The following MTHFD1L variants were observed in gnomAD, a reference collection of about 807,000 sequenced individuals.
MTHFD1L encodes methylenetetrahydrofolate dehydrogenase (NADP+ dependent) 1 like.
In MTHFD1L, 81 loss-of-function variants were observed where a neutral mutation model predicts 119.5. The ratio of observed to expected loss-of-function variants is 0.68; its 90% CI spans 0.57 to 0.82. The LOEUF (loss-of-function observed/expected upper bound fraction) is 0.82, where lower values mean the gene tolerates loss of function less well. Ranked by LOEUF, MTHFD1L falls within the 40% of genes least tolerant of loss-of-function variation. MTHFD1L has a pLI of 0.00. For synonymous variants in MTHFD1L, 430 were observed against 475.2 expected (o/e 0.90, Z 1.24); for missense variants, 1,125 against 1,253.4 (o/e 0.90, Z 1.55).
At chr6:150,947,215 C>G (rs1794121396) in intron 15 of MTHFD1L, among the ~76,000 whole-genome samples, 1 of 151,288 alleles carries the variant, frequency 6.6e-6, no homozygotes, top group South Asian at 2.1e-4. Context: ...CTGCCTCGGC[C>G]TTCTGAGTAG....
intron 24 of MTHFD1L, chr6:151,016,777 T>TC (rs1410434218): frequency 3.6e-6 from 1 of 278,638 alleles, no homozygotes; most frequent in African/African-American, 2.6e-5. Context: ...CCTTTTTTTT[T>TC]TTTTTTTTTT....
At chr6:150,909,283 A>T (rs916016531) in intron 8 of MTHFD1L, among the ~76,000 whole-genome samples, 1 of 151,120 alleles carries the variant, frequency 6.6e-6, no homozygotes, top group Admixed American at 6.6e-5. Context: ...AAAAAAAAAG[A>T]CAACCAAAAA....
chr6:150,969,278 G>T (rs896419008), intron 19 of MTHFD1L, among the ~76,000 whole-genome samples: 1 of 152,132 alleles, frequency 6.6e-6, no homozygotes, highest in Non-Finnish European at 1.5e-5. Flanking sequence ...CACCGTGCCC[G>T]GCCTGAGCAC....
intron 11 of MTHFD1L, among the ~76,000 whole-genome samples, chr6:150,934,197 G>A (rs896413809): frequency 6.6e-6 from 1 of 152,178 alleles, no homozygotes; most frequent in Admixed American, 6.5e-5. Flanking sequence ...CTGTGCCTCA[G>A]TTTCCTCATC....
At chr6:151,013,892 G>A (rs1782642638) in intron 22 of MTHFD1L, 72 bp downstream of exon 22, 1 of 1,348,612 alleles carries the variant, frequency 7.4e-7, no homozygotes, top group Non-Finnish European at 1.1e-6. Flanking sequence ...TTCAGTGAAT[G>A]AGCCCTCCTT....
intron 27 of MTHFD1L, among the ~76,000 whole-genome samples, chr6:151,098,033 G>C (rs1253294345): frequency 1.3e-5 from 2 of 152,152 alleles, no homozygotes; most frequent in South Asian, 2.1e-4. Context: ...AATTAGCCAG[G>C]CGTCATGGCA....
intron 20 of MTHFD1L, among the ~76,000 whole-genome samples, chr6:150,996,056 A>G (rs538017): frequency 0.37 from 55,998 of 152,068 alleles, 12,140 homozygotes; most frequent in African/African-American, 0.58. Context: ...TTTCAAGGCT[A>G]TTATCTGTAG....
At chr6:151,028,269 C>T (rs1315865914) in intron 24 of MTHFD1L, among the ~76,000 whole-genome samples, 1 of 152,096 alleles carries the variant, frequency 6.6e-6, no homozygotes, top group Non-Finnish European at 1.5e-5. Context: ...AAAACACTTT[C>T]CAATAAACAT....
intron 4 of MTHFD1L, among the ~76,000 whole-genome samples, chr6:150,881,414 T>C (rs573706535): frequency 2.0e-5 from 3 of 152,348 alleles, no homozygotes; most frequent in Non-Finnish European, 4.4e-5. Flanking sequence ...ATTTATTCCG[T>C]ATTTTTCTTT....
chr6:151,006,491 G>A (rs1562526946), intron 20 of MTHFD1L, among the ~76,000 whole-genome samples: 1 of 152,122 alleles, frequency 6.6e-6, no homozygotes, highest in Non-Finnish European at 1.5e-5. Flanking sequence ...TTATATTAAG[G>A]CACTTTAGGG....
rs966853026 is a variant in MTHFD1L at position 150,945,598 on chromosome 6, A to G, written c.1623+57A>G. The G allele has an allele frequency of 4.6e-6, 7 of 1,513,014 alleles. No individual in the cohort carries two copies. In the African/African-American group the frequency reaches 9.7e-5, roughly 21 times the overall value. The allele number at this position is 1,513,014 out of a possible 1,614,324, so 93.7% of individuals were successfully genotyped here. The stretch of plus-strand genomic sequence containing the variant: ...AAAATATCGTAGAAACGCATCAGAA[A>G]GATTGTCAAAGCCTGAAATTTTCAA... On this transcript the variant is annotated intron_variant, in intron 15 of 27. Transcript: ENST00000367321.
chr6:150,911,453 A>G (rs1179729998), intron 8 of MTHFD1L, among the ~76,000 whole-genome samples: 2 of 152,218 alleles, frequency 1.3e-5, no homozygotes, highest in African/African-American at 4.8e-5. Context: ...CACTGCTATA[A>G]AGAAATACCT....
intron 20 of MTHFD1L, among the ~76,000 whole-genome samples, chr6:150,976,984 T>G (rs1003944272): frequency 2.0e-5 from 3 of 152,224 alleles, no homozygotes; most frequent in Non-Finnish European, 4.4e-5. Flanking sequence ...TTGAAATAAT[T>G]GACTTCAGTA....
intron 18 of MTHFD1L, among the ~76,000 whole-genome samples, chr6:150,963,720 C>T (rs570720683): frequency 8.5e-5 from 13 of 152,256 alleles, no homozygotes; most frequent in African/African-American, 2.4e-4. Flanking sequence ...CACTGTTTTC[C>T]GATGCTATGT....
intron 26 of MTHFD1L, among the ~76,000 whole-genome samples, chr6:151,073,059 T>G (rs887408000): frequency 6.6e-6 from 1 of 152,046 alleles, no homozygotes; most frequent in African/African-American, 2.4e-5. Context: ...CTAGAAAAAG[T>G]TTCCTGGCTA....
At chr6:151,065,335 C>T (rs773216573) in intron 26 of MTHFD1L, among the ~76,000 whole-genome samples, 1 of 152,212 alleles carries the variant, frequency 6.6e-6, no homozygotes, top group Admixed American at 6.5e-5. Flanking sequence ...GGCTCCCTCT[C>T]ACTGCTCCCC....
At position 150,944,560 on chromosome 6, in the gene MTHFD1L, G is replaced by A. The variant is rs572093232; in HGVS notation, c.1515G>A (p.Thr505=). 165 of 1,614,002 alleles carry A rather than the reference G, an allele frequency of 1.0e-4. 2 individuals are homozygous for A. In the South Asian group the frequency reaches 1.6e-3, roughly 16 times the overall value. ...ANNLLAAAID[T]RILHENTQTD... ...ACTTGCTGGCTGCCGCCATCGACAC[G>A]AGGATTCTTCATGAAAACACGCAAA... Residue 505 remains threonine, a synonymous_variant, in exon 14 of 28, where the codon ACG becomes ACA. Transcript: ENST00000367321.
chr6:150,977,895 T>C (rs1776820857), intron 20 of MTHFD1L, among the ~76,000 whole-genome samples: 1 of 145,924 alleles, frequency 6.9e-6, no homozygotes, highest in Non-Finnish European at 1.5e-5. Flanking sequence ...GACATATATA[T>C]ATACACCTTT....
chr6:151,071,567 G>A (rs4869980), intron 26 of MTHFD1L, among the ~76,000 whole-genome samples: 109,111 of 151,658 alleles, frequency 0.72, 41,785 homozygotes, highest in East Asian at 0.91. Flanking sequence ...GTTGAACTTC[G>A]CATGGTTCTG....
Sources: allele counts gnomAD v4.1 joint callset (sites outside exome capture counted in the v4.1 genomes callset), GRCh38; gene constraint gnomAD v4.1.1; transcripts MANE v1.5; gene names NCBI Gene and HGNC (gene_info 2026-07-23, HGNC 2026-07-21).